Variants in CA10 observed in about 807,000 individuals in gnomAD.
CA10 encodes carbonic anhydrase 10 (inactive), also known as carbonic anhydrase-related protein 10.
In CA10, 14 loss-of-function variants were observed where a neutral mutation model predicts 44.2. That is an observed-to-expected ratio of 0.32 (90% confidence interval 0.21 to 0.50). CA10 has a LOEUF of 0.50. Among genes scored for constraint, CA10 ranks in the 20% least tolerant of loss-of-function variants. CA10 has a pLI of 0.99. For missense variants in CA10, 350 were observed against 409.7 expected, an observed-to-expected ratio of 0.85 and a Z score of 1.26; for synonymous variants, 159 against 141.6, an observed-to-expected ratio of 1.12 and a Z score of -0.87.
At chr17:51,687,295 T>A (rs1915040944) in intron 4 of CA10, among the ~76,000 whole-genome samples, 1 of 152,234 alleles carries the variant, frequency 6.6e-6, no homozygotes, top group Non-Finnish European at 1.5e-5. Flanking sequence ...AAATGTCTCC[T>A]TCTTAGATCA....
At chr17:51,812,275 G>C (rs547723239) in intron 3 of CA10, among the ~76,000 whole-genome samples, 1 of 152,126 alleles carries the variant, frequency 6.6e-6, no homozygotes, top group Non-Finnish European at 1.5e-5. Flanking sequence ...ACGGTAATAC[G>C]TTTACTAATT....
chr17:51,891,219 T>A (rs1455362717), intron 3 of CA10, among the ~76,000 whole-genome samples: 1 of 151,934 alleles, frequency 6.6e-6, no homozygotes, highest in African/African-American at 2.4e-5. Flanking sequence ...AGGTGGTGTG[T>A]GTGATTGGGA....
chr17:51,654,905 G>GC (rs5820870), intron 4 of CA10, among the ~76,000 whole-genome samples: 2,633 of 151,332 alleles, frequency 0.017, 77 homozygotes, highest in Admixed American at 0.085. Flanking sequence ...AAAACGTGAT[G>GC]CCCCCCCCAC....
chr17:51,705,288 C>A (rs1048168318), intron 4 of CA10, among the ~76,000 whole-genome samples: 1 of 152,190 alleles, frequency 6.6e-6, no homozygotes, highest in South Asian at 2.1e-4. Context: ...CACTTTCTCT[C>A]ACCTCCCAGG....
intron 3 of CA10, among the ~76,000 whole-genome samples, chr17:51,835,800 C>G (rs1270980132): frequency 6.6e-6 from 1 of 152,156 alleles, no homozygotes; most frequent in Non-Finnish European, 1.5e-5. Context: ...ACTTAACCAA[C>G]CTAATAGGCA....
At chr17:52,109,314 T>C (rs895651641) in intron 1 of CA10, among the ~76,000 whole-genome samples, 1 of 152,244 alleles carries the variant, frequency 6.6e-6, no homozygotes, top group African/African-American at 2.4e-5. Context: ...GCTGTATGGA[T>C]GCATACATGT....
chr17:51,724,557 AATC>A (rs1289775900), intron 4 of CA10, among the ~76,000 whole-genome samples: 1 of 152,238 alleles, frequency 6.6e-6, no homozygotes, highest in Non-Finnish European at 1.5e-5. Context: ...GAACTTCAGA[AATC>A]AAAAGCAGCT....
At position 51,945,515 on chromosome 17, in the gene CA10, T is replaced by C. The variant is rs1216819807; in HGVS notation, c.137-14383A>G. ...CTCCAGGGGGCTGAGGCTCTTGCAT[T>C]ATGTGGGCCTTCTGAAGGTGCCAGG... On this transcript the variant is annotated intron_variant, in intron 2 of 8. Transcript: ENST00000451037. 2.6e-5 allele frequency among the ~76,000 whole-genome samples: 4 copies of C among 152,230 alleles called. No homozygotes were observed. In the East Asian group the frequency reaches 5.8e-4, roughly 22 times the overall value.
At chr17:51,885,835 A>AAC (rs374123697) in intron 3 of CA10, among the ~76,000 whole-genome samples, 69 of 152,338 alleles carry the variant, frequency 4.5e-4, no homozygotes, top group Non-Finnish European at 7.3e-4. Flanking sequence ...TGACCAAATG[A>AAC]AAGAAGTAGG....
At chr17:51,955,637 A>C (rs1983638280) in intron 2 of CA10, among the ~76,000 whole-genome samples, 1 of 151,888 alleles carries the variant, frequency 6.6e-6, no homozygotes, top group Non-Finnish European at 1.5e-5. Flanking sequence ...TCACTCCCCC[A>C]CCTAAGCTTT....
At chr17:51,829,094 A>AT (rs1222568516) in intron 3 of CA10, among the ~76,000 whole-genome samples, 1 of 152,178 alleles carries the variant, frequency 6.6e-6, no homozygotes, top group Non-Finnish European at 1.5e-5. Context: ...TGGTTGTCAT[A>AT]TTTTTAAGGG....
intron 3 of CA10, among the ~76,000 whole-genome samples, chr17:51,764,963 T>C (rs1369280691): frequency 6.6e-6 from 1 of 152,222 alleles, no homozygotes; most frequent in African/African-American, 2.4e-5. Flanking sequence ...GGTAGCAGCA[T>C]CAATATTTGA....
At chr17:51,925,992 TA>T (rs901929416) in intron 3 of CA10, among the ~76,000 whole-genome samples, 3 of 152,010 alleles carry the variant, frequency 2.0e-5, no homozygotes, top group African/African-American at 7.2e-5. Context: ...GTTGGGATGA[TA>T]AAAAAGTTAC....
At chr17:51,852,058 T>C (rs563167154) in intron 3 of CA10, among the ~76,000 whole-genome samples, 2 of 152,336 alleles carry the variant, frequency 1.3e-5, no homozygotes, top group South Asian at 4.1e-4. Context: ...CTTTGGGTCA[T>C]ACAATTAAGT....
intron 3 of CA10, among the ~76,000 whole-genome samples, chr17:51,785,624 C>A (rs762404897): frequency 1.8e-4 from 28 of 152,034 alleles, no homozygotes; most frequent in Admixed American, 7.2e-4. Context: ...TCAATAAAAA[C>A]CAAAAATAGA....
At chr17:51,826,035 C>T (rs906995486) in intron 3 of CA10, among the ~76,000 whole-genome samples, 2 of 152,210 alleles carry the variant, frequency 1.3e-5, no homozygotes, top group African/African-American at 2.4e-5. Context: ...TGCAAAATAG[C>T]AATGGTAATA....
At chr17:51,785,861 T>C (rs1177210831) in intron 3 of CA10, among the ~76,000 whole-genome samples, 1 of 152,224 alleles carries the variant, frequency 6.6e-6, no homozygotes, top group African/African-American at 2.4e-5. Context: ...GGTATTTTAA[T>C]AGGGATCACA....
intron 3 of CA10, among the ~76,000 whole-genome samples, chr17:51,918,594 G>A (rs753874095): frequency 3.3e-5 from 5 of 152,108 alleles, no homozygotes; most frequent in Non-Finnish European, 5.9e-5. Context: ...AGAGCTAAGG[G>A]CCAGAATGGA....
At chr17:51,659,668 G>A (rs994459933) in intron 4 of CA10, among the ~76,000 whole-genome samples, 5 of 152,010 alleles carry the variant, frequency 3.3e-5, no homozygotes, top group Non-Finnish European at 5.9e-5. Context: ...AACATTTGTC[G>A]AACACCTCTT....
Sources: allele counts gnomAD v4.1 joint callset (sites outside exome capture counted in the v4.1 genomes callset), GRCh38; gene constraint gnomAD v4.1.1; transcripts MANE v1.5; gene names NCBI Gene and HGNC (gene_info 2026-07-23, HGNC 2026-07-21).